PCSK1N: variants seen among roughly 807,000 people sequenced by gnomAD.
PCSK1N encodes proprotein convertase subtilisin/kexin type 1 inhibitor.
PCSK1N carries 8 observed loss-of-function variants against 10.6 expected under a neutral mutation model. That is an observed-to-expected ratio of 0.76 (90% CI 0.44 to 1.37). The LOEUF is 1.37. PCSK1N is among the 40% of genes most tolerant of loss of function. PCSK1N has a pLI of 0.00. For missense variants in PCSK1N, 301 were observed against 268.5 expected (o/e 1.12, Z -0.84); for synonymous variants, 143 against 137.1 (o/e 1.04, Z -0.30).
In PCSK1N at chrX:48,831,444, C is replaced by A; in HGVS notation, c.599G>T (p.Gly200Val). The A allele has an allele frequency of 9.3e-7, 1 of 1,075,513 alleles. No individual in the cohort carries two copies. The highest frequency in any genetic ancestry group is 3.6e-5 in the East Asian group (1 of 28,013). The allele number at this position is 1,075,513 out of a possible 1,213,427, so 88.6% of individuals were successfully genotyped here. The change falls in exon 3 of 3, where the codon GGA (glycine) becomes GTA (valine). Residue 200 changes from glycine (G) to valine (V), a missense_variant. Transcript: ENST00000218230. ...VDPELLRYLL[G>V]RILAGSADSE... is the part of the protein sequence containing the mutation. Reference sequence around the variant, plus strand: ...GTCCGCGCTTCCCGCAAGAATCCGTCCCAGCAAGTACCTGCAGGGCCGAGC... The same window carrying A: ...GTCCGCGCTTCCCGCAAGAATCCGTACCAGCAAGTACCTGCAGGGCCGAGC...
At position 48,831,156 on chromosome X, in the gene PCSK1N, C is replaced by G. The variant is rs782635154; in HGVS notation, c.*104G>C. 26 of 665,744 alleles carry G rather than the reference C, an allele frequency of 3.9e-5. No homozygotes were observed. In the African/African-American group the frequency reaches 4.2e-4, roughly 11 times the overall value. 54.9% of individuals were successfully genotyped at this position (665,744 alleles called of 1,213,427 possible). ...AGGGATCCTCGGGTGAGAGGGCTGG[C>G]TGGCCGGGGTAAGTTGCTCTGGACG... On this transcript the variant is annotated 3_prime_UTR_variant, in exon 3 of 3. Transcript: ENST00000218230.
chrX:48,832,249 C>T lies in PCSK1N; in HGVS notation c.207G>A (p.Ala69=). The stretch of plus-strand genomic sequence containing the variant: ...CCCGCGCCAGCTCCTGCACCGCCCC[C>T]GCCGCCTCACCTCGGGGCACTGACC... ...FRRSVPRGEA[A]GAVQELARAL... is the part of the protein sequence containing the mutation. Residue 69 remains alanine, a synonymous_variant, in exon 2 of 3, where the codon GCG becomes GCA. Coordinates refer to ENST00000218230, the MANE Select transcript of PCSK1N (RefSeq NM_013271.5). The T allele has an allele frequency of 8.7e-7, 1 of 1,151,219 alleles. No homozygotes were observed. Among genetic ancestry groups the T allele is most frequent in the Non-Finnish European group, 1.1e-6 (1 of 870,176 alleles). 94.9% of individuals were successfully genotyped at this position (1,151,219 alleles called of 1,213,427 possible).
intron 2 of PCSK1N, 140 bp downstream of exon 2, chrX:48,831,729 C>A: frequency 2.1e-6 from 1 of 487,089 alleles, no homozygotes; most frequent in Non-Finnish European, 3.1e-6. Flanking sequence ...GCCTGGACTC[C>A]CTGGATCCAG....
Position 48,835,604 on chromosome X carries a change from A to G in PCSK1N, c.-72T>C, listed in dbSNP as rs1557034056. 3 of 374,985 alleles carry G rather than the reference A, an allele frequency of 8.0e-6. No individual in the cohort carries two copies. Among genetic ancestry groups the G allele is most frequent in the Non-Finnish European group, 1.1e-5 (3 of 264,170 alleles). The allele number at this position is 374,985 out of a possible 1,213,427, so 30.9% of individuals were successfully genotyped here. A position where few individuals can be genotyped will look rare whatever the true frequency, so the allele number is the denominator to read the frequency against. ...TGCGCAGTGCCGGGGCGAGCTGGCGAGGCTGCGGCGCTCTGCGGCTGCGCA... is the reference window on the plus strand; with the variant it reads ...TGCGCAGTGCCGGGGCGAGCTGGCGGGGCTGCGGCGCTCTGCGGCTGCGCA... On this transcript the variant is annotated 5_prime_UTR_variant, in exon 1 of 3. Transcript: ENST00000218230.
At chrX:48,835,064 C>A (rs782037377) in intron 1 of PCSK1N, among the ~76,000 whole-genome samples, 1 of 112,268 alleles carries the variant, frequency 8.9e-6, no homozygotes, top group East Asian at 2.8e-4. Context: ...ACGACACCTC[C>A]ACACCGCTCT....
In PCSK1N at chrX:48,832,359, G is replaced by A. The variant is rs2063176202; in HGVS notation, c.115-18C>T. The A allele has an allele frequency of 9.2e-7, 1 of 1,089,954 alleles. No homozygotes were observed. Among genetic ancestry groups the A allele is most frequent in the Non-Finnish European group, 1.2e-6 (1 of 831,377 alleles). The allele number at this position is 1,089,954 out of a possible 1,213,427, so 89.8% of individuals were successfully genotyped here. On this transcript the variant is annotated intron_variant, in intron 1 of 2. Transcript: ENST00000218230. ...CGGGGCTCCTGCGGGAAAATGAGGT[G>A]GGGGAAAAGAGTTTGTCAGCGTCCG...
chrX:48,831,838 GC>G, intron 2 of PCSK1N, 30 bp downstream of exon 2: 1 of 1,007,911 alleles, frequency 9.9e-7, no homozygotes, highest in Non-Finnish European at 1.3e-6. Context: ...GGACGCAGGC[GC>G]CCGACCCCTC....
intron 1 of PCSK1N, among the ~76,000 whole-genome samples, chrX:48,833,195 T>C (rs1389477833): frequency 9.0e-6 from 1 of 111,424 alleles, no homozygotes; most frequent in Non-Finnish European, 1.9e-5. Flanking sequence ...CTGGTCAAAA[T>C]GGCGAGACCC....
In PCSK1N at chrX:48,835,501, C is replaced by T; in HGVS notation, c.32G>A (p.Arg11Gln). 1.1e-6 allele frequency: 1 copy of T among 951,862 alleles called. No individual in the cohort carries two copies. Among genetic ancestry groups the T allele is most frequent in the Non-Finnish European group, 1.3e-6 (1 of 760,647 alleles). 78.4% of individuals were successfully genotyped at this position (951,862 alleles called of 1,213,427 possible). The change falls in exon 1 of 3, where the codon CGG (arginine) becomes CAG (glutamine). Residue 11 changes from arginine to glutamine, a missense_variant. Coordinates refer to ENST00000218230, the MANE Select transcript of PCSK1N (RefSeq NM_013271.5). MAGSPLLWGPRAGGVGLLVLL... is the reference protein window; with the variant it reads MAGSPLLWGPQAGGVGLLVLL... ...CACCAAAAGGCCGACGCCCCCGGCCCGCGGCCCCCAGAGCAGCGGCGACCC... is the reference window on the plus strand; with the variant it reads ...CACCAAAAGGCCGACGCCCCCGGCCTGCGGCCCCCAGAGCAGCGGCGACCC...
In PCSK1N at chrX:48,831,368, A is replaced by G; in HGVS notation, c.675T>C (p.Asp225=). 1.8e-6 allele frequency: 2 copies of G among 1,127,021 alleles called. No individual in the cohort carries two copies. Among genetic ancestry groups the G allele is most frequent in the Non-Finnish European group, 2.3e-6 (2 of 858,522 alleles). 92.9% of individuals were successfully genotyped at this position (1,127,021 alleles called of 1,213,427 possible). A position where few individuals can be genotyped will look rare whatever the true frequency, so the allele number is the denominator to read the frequency against. The part of the protein sequence containing the change: ...PRRLRRAADH[D]VGSELPPEGV... ...CCTCAGGGGGCAGCTCAGAGCCCACATCGTGGTCGGCGGCACGGCGGAGGC... is the reference window on the plus strand; with the variant it reads ...CCTCAGGGGGCAGCTCAGAGCCCACGTCGTGGTCGGCGGCACGGCGGAGGC... The change falls in exon 3 of 3, where the codon GAT becomes GAC. Residue 225 remains aspartate, a synonymous_variant. Transcript: ENST00000218230.
At chrX:48,832,397 C>CA in intron 1 of PCSK1N, 56 bp from the exon 2 acceptor site, 1 of 972,058 alleles carries the variant, frequency 1.0e-6, no homozygotes. Flanking sequence ...GAGACAGGGA[C>CA]CCCCAGCCCG....
In PCSK1N at chrX:48,832,334, C is replaced by T. The variant is rs376988691; in HGVS notation, c.122G>A (p.Arg41His). 17 of 1,114,743 alleles carry T rather than the reference C, an allele frequency of 1.5e-5. No homozygotes were observed. Among genetic ancestry groups the T allele is most frequent in the Non-Finnish European group, 2.0e-5 (17 of 848,883 alleles). The allele number at this position is 1,114,743 out of a possible 1,213,427, so 91.9% of individuals were successfully genotyped here. Residue 41 changes from arginine (R) to histidine (H), a missense_variant, in exon 2 of 3, where the codon CGC becomes CAC. Physicochemically the swap from Arg to His is conservative, Grantham distance 29 (BLOSUM62 0). Coordinates refer to ENST00000218230, the MANE Select transcript of PCSK1N (RefSeq NM_013271.5). Reference protein sequence around the residue: ...ALCARPVKEPRGLSAASPPLA... With the variant: ...ALCARPVKEPHGLSAASPPLA... ...GGGCGGAGACGCTGCGCTTAGGCCG[C>T]GGGGCTCCTGCGGGAAAATGAGGTG...
At position 48,831,383 on chromosome X, in the gene PCSK1N, A is replaced by G. The variant is rs782004634; in HGVS notation, c.660T>C (p.Arg220=). ...EGVAAPRRLR[R]AADHDVGSEL... ...CAGAGCCCACATCGTGGTCGGCGGCACGGCGGAGGCGGCGCGGGGCTGCCA... is the reference window on the plus strand; with the variant it reads ...CAGAGCCCACATCGTGGTCGGCGGCGCGGCGGAGGCGGCGCGGGGCTGCCA... Residue 220 remains arginine, a synonymous_variant, in exon 3 of 3, where the codon CGT becomes CGC. Transcript: ENST00000218230. 4.0e-5 allele frequency: 44 copies of G among 1,111,973 alleles called. No individual in the cohort carries two copies. Among genetic ancestry groups the G allele is most frequent in the Middle Eastern group, 2.7e-4 (1 of 3,694 alleles). The allele number at this position is 1,111,973 out of a possible 1,213,427, so 91.6% of individuals were successfully genotyped here.
intron 1 of PCSK1N, among the ~76,000 whole-genome samples, 175 bp from the exon 2 acceptor site, chrX:48,832,516 C>A (rs1029894091): frequency 9.2e-6 from 1 of 109,098 alleles, no homozygotes; most frequent in East Asian, 2.9e-4. Flanking sequence ...TATCTCCAGA[C>A]GCACTTAAGA....
At chrX:48,835,285 G>A (rs1205681202) in intron 1 of PCSK1N, 134 bp downstream of exon 1, 2 of 311,271 alleles carry the variant, frequency 6.4e-6, no homozygotes, top group Non-Finnish European at 1.0e-5. Context: ...GCCGGAGCCC[G>A]GGCCACCCTC....
chrX:48,832,613 C>T (rs1386816376), intron 1 of PCSK1N, among the ~76,000 whole-genome samples: 1 of 103,452 alleles, frequency 9.7e-6, no homozygotes, highest in East Asian at 3.1e-4. Flanking sequence ...TCCCTCCCCA[C>T]CCCCACTCCT....
chrX:48,835,113 C>T (rs1459978108), intron 1 of PCSK1N, among the ~76,000 whole-genome samples: 1 of 112,819 alleles, frequency 8.9e-6, no homozygotes, highest in Non-Finnish European at 1.9e-5. Context: ...CGCGCGCGCC[C>T]TTTCTTAAAG....
chrX:48,832,491 C>T (rs1817816644), intron 1 of PCSK1N, 150 bp from the exon 2 acceptor site: 3 of 421,366 alleles, frequency 7.1e-6, no homozygotes, highest in Admixed American at 1.1e-4. Context: ...CCTAAGGCCA[C>T]TGGAAACCAC....
Position 48,831,857 on chromosome X carries a change from C to T in PCSK1N, c.587+12G>A, listed in dbSNP as rs782593113. Reference sequence around the variant, plus strand: ...GCAGGCGCCCGACCCCTCCCCACCCCCTGCCGGGCACCTCAACAGCTCGGG... The same window carrying T: ...GCAGGCGCCCGACCCCTCCCCACCCTCTGCCGGGCACCTCAACAGCTCGGG... On this transcript the variant is annotated intron_variant, in intron 2 of 2. Coordinates refer to ENST00000218230, the MANE Select transcript of PCSK1N (RefSeq NM_013271.5). 2.9e-6 allele frequency: 3 copies of T among 1,041,313 alleles called. No homozygotes were observed. The African/African-American group carries it at 5.9e-5, about 21-fold the overall frequency. The allele number at this position is 1,041,313 out of a possible 1,213,427, so 85.8% of individuals were successfully genotyped here. A position where few individuals can be genotyped will look rare whatever the true frequency, so the allele number is the denominator to read the frequency against.
Sources: allele counts gnomAD v4.1 joint callset (sites outside exome capture counted in the v4.1 genomes callset), GRCh38; gene constraint gnomAD v4.1.1; transcripts MANE v1.5; gene names NCBI Gene and HGNC (gene_info 2026-07-23, HGNC 2026-07-21).